Variants in SPTBN2 observed in about 807,000 individuals in gnomAD.
SPTBN2 encodes spectrin beta chain, non-erythrocytic 2.
In SPTBN2, 107 loss-of-function variants were observed where a neutral mutation model predicts 284.2. The observed-to-expected ratio is 0.38, with a 90% confidence interval of 0.32 to 0.44. SPTBN2 has a LOEUF of 0.44. Among genes scored for constraint, SPTBN2 ranks in the 20% least tolerant of loss-of-function variants. The pLI is 1.00. For missense variants in SPTBN2, 2,569 were observed against 3,287.1 expected, an observed-to-expected ratio of 0.78 and a Z score of 5.34; for synonymous variants, 1,289 against 1,354.8, an observed-to-expected ratio of 0.95 and a Z score of 1.07.
chr11:66,694,226 G>A lies in SPTBN2; in HGVS notation c.4416C>T (p.Ala1472=), dbSNP rs1404968841. The A allele has an allele frequency of 6.2e-7, 1 of 1,614,008 alleles. No individual in the cohort carries two copies. Among genetic ancestry groups the A allele is most frequent in the African/African-American group, 1.3e-5 (1 of 75,036 alleles). ...AGCGTTCCCGCATGGGCTGGCACAA[G>A]GCCCTGAACTTCTCCTCCACGGCCC... The part of the protein sequence containing the change: ...TSRAVEEKFR[A]LCQPMRERCR... The change falls in exon 22 of 38, where the codon GCC becomes GCT. Residue 1472 remains alanine, a synonymous_variant. Transcript: ENST00000533211.
rs534390737 is a variant in SPTBN2 at position 66,728,803 on chromosome 11, A to G, written c.-176T>C. ...CCCCGAGACACGCGATCCTTCCTCT[A>G]ATGACACTGCCGACGAGGTTTCCCG... On this transcript the variant is annotated 5_prime_UTR_variant, in exon 1 of 38. Coordinates refer to ENST00000533211, the MANE Select transcript of SPTBN2 (RefSeq NM_006946.4). 5.3e-5 allele frequency: 8 copies of G among 150,630 alleles called. No homozygotes were observed. The highest frequency in any genetic ancestry group is 1.5e-4 in the African/African-American group (6 of 40,924). 9.3% of individuals were successfully genotyped at this position (150,630 alleles called of 1,614,324 possible).
At position 66,692,473 on chromosome 11, in the gene SPTBN2, C is replaced by T. The variant is rs1159646421; in HGVS notation, c.5190+63G>A. ...GCTCTGCCTGGGACTAGGTCCTAGT[C>T]TCCCTGTGGGTCCTCCACTCTTCCC... is the stretch of plus-strand genomic sequence containing the variant. On this transcript the variant is annotated intron_variant, in intron 26 of 37. Transcript: ENST00000533211. 5 of 1,584,238 alleles carry T rather than the reference C, an allele frequency of 3.2e-6. No individual in the cohort carries two copies. In the East Asian group the frequency reaches 8.9e-5, roughly 28 times the overall value.
chr11:66,711,041 G>T lies in SPTBN2; in HGVS notation c.773-12C>A. 1 of 1,611,606 alleles carries T rather than the reference G, an allele frequency of 6.2e-7. No individual in the cohort carries two copies. The highest frequency in any genetic ancestry group is 1.1e-5 in the South Asian group (1 of 91,000). On this transcript the variant is annotated splice_polypyrimidine_tract_variant and intron_variant, in intron 8 of 37. Coordinates refer to ENST00000533211, the MANE Select transcript of SPTBN2 (RefSeq NM_006946.4). ...GTCCACATTCACGTCTGCAAGAGAG[G>T]ACCATTTGGGTCAGGCCTCCCAGAA... is the stretch of plus-strand genomic sequence containing the variant.
At chr11:66,705,872 G>C (rs1941528886) in intron 13 of SPTBN2, 35 bp from the exon 14 acceptor site, 6 of 1,607,466 alleles carry the variant, frequency 3.7e-6, no homozygotes, top group Non-Finnish European at 5.1e-6. Context: ...ATGCCCGCCT[G>C]AGCACAGACG....
rs778241858 is a variant in SPTBN2 at position 66,699,015 on chromosome 11, G to C, written c.3844C>G (p.His1282Asp). The C allele has an allele frequency of 7.4e-6, 12 of 1,614,094 alleles. No homozygotes were observed. Among genetic ancestry groups the C allele is most frequent in the Non-Finnish European group, 1.0e-5 (12 of 1,180,038 alleles). ...GRLRDNREQQ[H>D]FLQDCHELKL... ...ACCTCGTGACAATCTTGCAGGAAAT[G>C]CTGCTGCTCCCGGTTGTCCCGAAGA... The change falls in exon 19 of 38, where the codon CAT becomes GAT. Residue 1282 changes from histidine (H) to aspartate (D), a missense_variant. His to Asp is a moderately conservative substitution (Grantham distance 81). Coordinates refer to ENST00000533211, the MANE Select transcript of SPTBN2 (RefSeq NM_006946.4).
At position 66,691,572 on chromosome 11, in the gene SPTBN2, A is replaced by G. The variant is rs1275043758; in HGVS notation, c.5277T>C (p.Asn1759=). ...ERVDSANALA[N]GLIAGGHAAR... is the part of the protein sequence containing the mutation. ...CAGCATGGCCCCCAGCAATGAGCCC[A>G]TTGGCCAGCGCATTGGCGCTATCTA... The change falls in exon 27 of 38, where the codon AAT becomes AAC. Residue 1759 remains asparagine (N), a synonymous_variant. Coordinates refer to ENST00000533211, the MANE Select transcript of SPTBN2 (RefSeq NM_006946.4). This position sits in a 1 kb window ranked among gnomAD's most constrained non-coding sequence, Gnocchi z 8.0. The G allele has an allele frequency of 1.1e-5, 18 of 1,613,554 alleles. No homozygotes were observed. The East Asian group carries it at 3.6e-4, about 32-fold the overall frequency.
At chr11:66,713,538 C>A (rs1023849462) in intron 8 of SPTBN2, 93 bp downstream of exon 8, 1 of 936,600 alleles carries the variant, frequency 1.1e-6, no homozygotes, top group Admixed American at 1.7e-5. Context: ...TTGGTGGTTA[C>A]TCCATGTCTT....
chr11:66,699,299 G>T, intron 18 of SPTBN2, 107 bp downstream of exon 18: 1 of 1,418,032 alleles, frequency 7.1e-7, no homozygotes. Flanking sequence ...TTCTCTGTCA[G>T]CTCCTGCCCC....
chr11:66,718,566 C>T lies in SPTBN2; in HGVS notation c.157+2518G>A, dbSNP rs1003495521. ...CCTTCCACAGCCTCATAGTAAAACT[C>T]GCTGGCCTCATGCAGGCCGTTCCCG... On this transcript the variant is annotated intron_variant, in intron 3 of 37. Transcript: ENST00000533211. The surrounding 1 kb of genome is among the most constrained non-coding windows in gnomAD (Gnocchi z 4.8). 2.0e-5 allele frequency among the ~76,000 whole-genome samples: 3 copies of T among 152,200 alleles called. No individual in the cohort carries two copies. The highest frequency in any genetic ancestry group is 7.2e-5 in the African/African-American group (3 of 41,454).
chr11:66,690,108 T>C lies in SPTBN2; in HGVS notation c.5741A>G (p.Lys1914Arg), dbSNP rs1338081152. The stretch of plus-strand genomic sequence containing the variant: ...CCAGAGCATCAGTTCCCGGACAGCC[T>C]TGAAGAAGCGGAACTTGTCTGTGGT... ...LDTTDKFRFF[K>R]AVRELMLWMD... The change falls in exon 28 of 38, where the codon AAG (lysine) becomes AGG (arginine). Residue 1914 changes from lysine to arginine, a missense_variant. Coordinates refer to ENST00000533211, the MANE Select transcript of SPTBN2 (RefSeq NM_006946.4). 3.7e-6 allele frequency: 6 copies of C among 1,614,108 alleles called. No homozygotes were observed. Among genetic ancestry groups the C allele is most frequent in the Non-Finnish European group, 5.1e-6 (6 of 1,180,042 alleles).
At chr11:66,723,046 A>G (rs1011764228) in intron 1 of SPTBN2, among the ~76,000 whole-genome samples, 6 of 152,052 alleles carry the variant, frequency 3.9e-5, no homozygotes, top group Admixed American at 3.9e-4. Context: ...AGGTTCCTCA[A>G]CCGTCTTAGA....
At chr11:66,720,377 C>T (rs1030202598) in intron 3 of SPTBN2, among the ~76,000 whole-genome samples, 3 of 152,164 alleles carry the variant, frequency 2.0e-5, no homozygotes, top group Non-Finnish European at 2.9e-5. Context: ...CAGCCCCATG[C>T]CAGCCACTGG....
At chr11:66,727,289 T>G (rs1942652369) in intron 1 of SPTBN2, among the ~76,000 whole-genome samples, 1 of 152,190 alleles carries the variant, frequency 6.6e-6, no homozygotes, top group Admixed American at 6.5e-5. Flanking sequence ...GGTTTGTTGC[T>G]ACCTCTGCCC....
intron 1 of SPTBN2, among the ~76,000 whole-genome samples, chr11:66,741,048 T>C (rs555359794): frequency 1.3e-5 from 2 of 152,268 alleles, no homozygotes; most frequent in South Asian, 2.1e-4. Flanking sequence ...GCTCTTCTTA[T>C]AGGGGGGCAG....
intron 10 of SPTBN2, among the ~76,000 whole-genome samples, chr11:66,709,525 AC>A (rs1941750019): frequency 6.6e-6 from 1 of 152,138 alleles, no homozygotes; most frequent in Non-Finnish European, 1.5e-5. Context: ...TTTCATGAAC[AC>A]CTTTCCATGT....
At chr11:66,737,739 C>A (rs1294324504) in intron 1 of SPTBN2, among the ~76,000 whole-genome samples, 1 of 152,104 alleles carries the variant, frequency 6.6e-6, no homozygotes, top group Non-Finnish European at 1.5e-5. Context: ...TGTTTCCCAA[C>A]CCTAAACACA....
rs139904707 is a variant in SPTBN2, at chr11:66,686,158, G to A, written c.6940-54C>T. On this transcript the variant is annotated intron_variant, in intron 37 of 37. Coordinates refer to ENST00000533211, the MANE Select transcript of SPTBN2 (RefSeq NM_006946.4). Reference sequence around the variant, plus strand: ...TCAAGGACACTGTGCTGAGTTGGCCGCAGTGGACAGCAGGGAAGTGTAAGA... The same window carrying A: ...TCAAGGACACTGTGCTGAGTTGGCCACAGTGGACAGCAGGGAAGTGTAAGA... 4.1e-3 allele frequency: 6,289 copies of A among 1,527,182 alleles called. 25 individuals are homozygous for A. Among genetic ancestry groups the A allele is most frequent in the Admixed American group, 9.3e-3 (523 of 56,102 alleles). The allele number at this position is 1,527,182 out of a possible 1,614,324, so 94.6% of individuals were successfully genotyped here. A position where few individuals can be genotyped will look rare whatever the true frequency, so the allele number is the denominator to read the frequency against.
Position 66,708,272 on chromosome 11 carries a change from G to T in SPTBN2, c.1219C>A (p.His407Asn). Residue 407 changes from histidine to asparagine, a missense_variant, in exon 12 of 38, where the codon CAC becomes AAC. Physicochemically the swap from His to Asn is moderately conservative, Grantham distance 68. Coordinates refer to ENST00000533211, the MANE Select transcript of SPTBN2 (RefSeq NM_006946.4). The surrounding 1 kb of genome is among the most constrained non-coding windows in gnomAD (Gnocchi z 4.4). Reference protein sequence around the residue: ...KAWERLEKAEHERELALRTEL... With the variant: ...KAWERLEKAENERELALRTEL... ...GTGCGCAGGGCCAGCTCACGCTCGT[G>T]CTCCGCCTTCTCCAGCCGCTCCCAA... is the stretch of plus-strand genomic sequence containing the variant. 1 of 1,599,432 alleles carries T rather than the reference G, an allele frequency of 6.3e-7. No homozygotes were observed.
At chr11:66,698,616 G>GC in intron 20 of SPTBN2, 23 bp downstream of exon 20, 1 of 1,613,964 alleles carries the variant, frequency 6.2e-7, no homozygotes, top group Non-Finnish European at 8.5e-7. Context: ...CTGCCCAGAG[G>GC]CAGCCCCCAC....
Sources: allele counts gnomAD v4.1 joint callset (sites outside exome capture counted in the v4.1 genomes callset), GRCh38; gene constraint gnomAD v4.1.1; non-coding constraint Gnocchi (gnomAD v3.1); transcripts MANE v1.5; gene names NCBI Gene and HGNC (gene_info 2026-07-23, HGNC 2026-07-21).